The following SPATA6 variants were observed in gnomAD, a reference collection of about 807,000 sequenced individuals.
SPATA6 encodes spermatogenesis associated 6.
A neutral mutation model predicts 65.3 loss-of-function variants in SPATA6; 56 were observed. The ratio of observed to expected loss-of-function variants is 0.86; its 90% confidence interval spans 0.69 to 1.07. SPATA6 has a LOEUF of 1.07. Ranked by LOEUF, SPATA6 falls within the 50% of genes least tolerant of loss-of-function variation. The probability of loss-of-function intolerance (pLI) is 0.00; values close to 1 mark genes in which losing one functional copy is unlikely to be tolerated. For missense variants in SPATA6, 590 were observed against 594.8 expected (o/e 0.99, Z 0.08); for synonymous variants, 199 against 213.2 (o/e 0.93, Z 0.58).
chr1:48,386,974 A>G (rs1649541237), intron 8 of SPATA6, among the ~76,000 whole-genome samples: 1 of 152,214 alleles, frequency 6.6e-6, no homozygotes, highest in African/African-American at 2.4e-5. Context: ...TACACTGCCG[A>G]TAAAGACATA....
At chr1:48,339,944 G>C (rs1272089374) in intron 11 of SPATA6, among the ~76,000 whole-genome samples, 1 of 151,992 alleles carries the variant, frequency 6.6e-6, no homozygotes, top group African/African-American at 2.4e-5. Flanking sequence ...CTATGATTGA[G>C]TGAAGAAAGT....
the SPATA6 span, among the ~76,000 whole-genome samples, chr1:48,283,647 C>G: frequency 7.2e-3 from 596 of 82,914 alleles, 6 homozygotes; most frequent in African/African-American, 0.026. Flanking sequence ...CCACTGCAAT[C>G]TAGCCTGGGT....
chr1:48,303,133 G>T lies in SPATA6; in HGVS notation c.1286+2654C>A, dbSNP rs1044646719. Among the ~76,000 whole-genome samples the T allele has an allele frequency of 2.0e-5, 3 of 152,052 alleles. No individual in the cohort carries two copies. The South Asian group carries it at 6.2e-4, about 32-fold the overall frequency. On this transcript the variant is annotated intron_variant, in intron 12 of 12. Transcript: ENST00000371847. ...TACTGATATTCAGTAAATTTTTAAA[G>T]TTAATTTTTAAATCGATACATAATA...
the SPATA6 span, among the ~76,000 whole-genome samples, chr1:48,267,617 C>T: frequency 6.6e-6 from 1 of 152,112 alleles, no homozygotes; most frequent in Non-Finnish European, 1.5e-5. Flanking sequence ...ACCTGGTCTA[C>T]AGGCGTCTGT....
At chr1:48,333,035 C>T (rs967254862) in intron 11 of SPATA6, among the ~76,000 whole-genome samples, 6 of 152,108 alleles carry the variant, frequency 3.9e-5, no homozygotes, top group Non-Finnish European at 7.4e-5. Context: ...CTTGACTAGA[C>T]TGAAGGATGC....
At position 48,349,687 on chromosome 1, in the gene SPATA6, T is replaced by G. The variant is rs114653357; in HGVS notation, c.1194+5983A>C. Among the ~76,000 whole-genome samples the G allele has an allele frequency of 2.7e-3, 409 of 152,016 alleles. 3 individuals carry two copies. Among genetic ancestry groups the G allele is most frequent in the African/African-American group, 9.4e-3 (389 of 41,524 alleles). ...ATCTTCTGTCCCCCTCCTTACAAAT[T>G]TTGTTACTTCAATAATGTCATATAA... On this transcript the variant is annotated intron_variant, in intron 11 of 12. Transcript: ENST00000371847.
chr1:48,450,576 A>G (rs1052672050), intron 3 of SPATA6, among the ~76,000 whole-genome samples: 1 of 152,220 alleles, frequency 6.6e-6, no homozygotes, highest in Non-Finnish European at 1.5e-5. Flanking sequence ...TATATCCATT[A>G]GCACCACACT....
chr1:48,372,846 C>T (rs1281806236), intron 9 of SPATA6, among the ~76,000 whole-genome samples: 1 of 152,236 alleles, frequency 6.6e-6, no homozygotes, highest in Non-Finnish European at 1.5e-5. Context: ...GAAGCCAGAG[C>T]CCAACCTGTA....
chr1:48,403,791 A>G lies in SPATA6; in HGVS notation c.486+11T>C, dbSNP rs1454436105. 1.3e-6 allele frequency: 2 copies of G among 1,590,100 alleles called. No homozygotes were observed. Among genetic ancestry groups the G allele is most frequent in the Admixed American group, 1.7e-5 (1 of 57,226 alleles). On this transcript the variant is annotated intron_variant, in intron 6 of 12. Transcript: ENST00000371847. ...TTAAACCATTAAATACTTTATACAA[A>G]TAATTTTAACCTGAGTGTGGCATTT...
rs933444695 is a variant in SPATA6 at position 48,295,554 on chromosome 1, T to C, written c.*3159A>G. 5.9e-5 allele frequency: 9 copies of C among 152,182 alleles called. No individual in the cohort carries two copies. The highest frequency in any genetic ancestry group is 2.2e-4 in the African/African-American group (9 of 41,444). The allele number at this position is 152,182 out of a possible 1,614,324, so 9.4% of individuals were successfully genotyped here. A position where few individuals can be genotyped will look rare whatever the true frequency, so the allele number is the denominator to read the frequency against. ...AATAGGCATGGAGACAAAAAGCATATAGTGGTTTCCAGGAGTTGTGGGGAG... is the reference window on the plus strand; with the variant it reads ...AATAGGCATGGAGACAAAAAGCATACAGTGGTTTCCAGGAGTTGTGGGGAG... On this transcript the variant is annotated 3_prime_UTR_variant, in exon 13 of 13. Transcript: ENST00000371847.
intron 3 of SPATA6, chr1:48,437,111 C>A: frequency 6.3e-7 from 1 of 1,598,344 alleles, no homozygotes; most frequent in South Asian, 1.1e-5. Context: ...TCAATACTTT[C>A]ACGGTTGCCT....
intron 11 of SPATA6, among the ~76,000 whole-genome samples, chr1:48,348,982 C>CAT (rs1320431969): frequency 6.6e-6 from 1 of 151,922 alleles, no homozygotes; most frequent in Non-Finnish European, 1.5e-5. Flanking sequence ...ATTGCTAATC[C>CAT]ATATCCCTGT....
rs1656567664 is a variant in SPATA6, at chr1:48,451,534, A to T, written c.238+18T>A. ...TAAAATGTCTTAGAATCAGGAATTA[A>T]AAAGTTAAAAAACTTACATTCAAGC... On this transcript the variant is annotated intron_variant, in intron 3 of 12. Transcript: ENST00000371847. The T allele has an allele frequency of 6.2e-7, 1 of 1,601,528 alleles. No homozygotes were observed.
intron 11 of SPATA6, among the ~76,000 whole-genome samples, chr1:48,309,688 ATTG>A (rs1645151470): frequency 6.6e-6 from 1 of 152,006 alleles, no homozygotes; most frequent in Admixed American, 6.6e-5. Context: ...TCCACTGTTT[ATTG>A]TTGTTGTTTA....
intron 11 of SPATA6, among the ~76,000 whole-genome samples, chr1:48,346,692 G>C (rs1271426497): frequency 6.6e-6 from 1 of 151,824 alleles, no homozygotes; most frequent in African/African-American, 2.4e-5. Context: ...TGAGGGCCAA[G>C]TCAGGAATAT....
At chr1:48,458,294 T>C (rs899172338) in intron 1 of SPATA6, among the ~76,000 whole-genome samples, 10 of 152,180 alleles carry the variant, frequency 6.6e-5, no homozygotes, top group African/African-American at 2.4e-4. Flanking sequence ...CCAAAAGGTA[T>C]AGATTGGCAG....
At chr1:48,365,102 T>C (rs908839351) in intron 9 of SPATA6, among the ~76,000 whole-genome samples, 2 of 152,196 alleles carry the variant, frequency 1.3e-5, no homozygotes, top group Admixed American at 6.5e-5. Context: ...AAAGATCAGA[T>C]AGTTGTAGAT....
At chr1:48,432,283 A>G (rs1193052049) in intron 3 of SPATA6, among the ~76,000 whole-genome samples, 1 of 152,208 alleles carries the variant, frequency 6.6e-6, no homozygotes, top group East Asian at 1.9e-4. Context: ...ATTTAAAAAA[A>G]TACACAAATA....
chr1:48,430,523 A>G (rs1214297253), intron 3 of SPATA6, among the ~76,000 whole-genome samples: 1 of 152,202 alleles, frequency 6.6e-6, no homozygotes, highest in Non-Finnish European at 1.5e-5. Flanking sequence ...ACAGTAACAC[A>G]AAGTCATACA....
Sources: allele counts gnomAD v4.1 joint callset (sites outside exome capture counted in the v4.1 genomes callset), GRCh38; gene constraint gnomAD v4.1.1; transcripts MANE v1.5; gene names NCBI Gene and HGNC (gene_info 2026-07-23, HGNC 2026-07-21).